Variants in SGPL1 observed in about 807,000 individuals in gnomAD.
SGPL1 encodes SP-lyase 1.
In SGPL1, 37 loss-of-function variants were observed where a neutral mutation model predicts 68.9. The ratio of observed to expected loss-of-function variants is 0.54; its 90% confidence interval spans 0.41 to 0.71. The LOEUF is 0.71. SGPL1 is among the 30% of genes least tolerant of loss of function. SGPL1 has a pLI of 0.00. For missense variants in SGPL1, 551 were observed against 704.6 expected (o/e 0.78, Z 2.47); for synonymous variants, 236 against 248.5 (o/e 0.95, Z 0.47).
chr10:70,849,540 C>T (rs1479334359), intron 3 of SGPL1, among the ~76,000 whole-genome samples: 2 of 152,166 alleles, frequency 1.3e-5, no homozygotes, highest in African/African-American at 4.8e-5. Context: ...GTCTTAGTTA[C>T]CTGGTTTTGT....
chr10:70,851,100 C>A, intron 3 of SGPL1, 43 bp from the exon 4 acceptor site: 1 of 1,508,826 alleles, frequency 6.6e-7, no homozygotes, highest in Non-Finnish European at 9.2e-7. Flanking sequence ...AGGTCATATC[C>A]ATGGAAATTT....
At chr10:70,833,407 A>G (rs1028766603) in intron 2 of SGPL1, among the ~76,000 whole-genome samples, 11 of 152,180 alleles carry the variant, frequency 7.2e-5, no homozygotes, top group African/African-American at 1.9e-4. Flanking sequence ...AGTTTCCTCA[A>G]ACGTTTCTCA....
rs1372278396 is a variant in SGPL1 at position 70,857,600 on chromosome 10, A to T, written c.410-14A>T. On this transcript the variant is annotated splice_polypyrimidine_tract_variant and intron_variant, in intron 5 of 14. Transcript: ENST00000373202. ...TTCTTGCTTACTGACCAGTGACCTTACCTTTCTCTGCAGACGCCTTCTGGC... is the reference window on the plus strand; with the variant it reads ...TTCTTGCTTACTGACCAGTGACCTTTCCTTTCTCTGCAGACGCCTTCTGGC... 2 of 1,609,330 alleles carry T rather than the reference A, an allele frequency of 1.2e-6. No individual in the cohort carries two copies. Among genetic ancestry groups the T allele is most frequent in the Non-Finnish European group, 1.7e-6 (2 of 1,176,170 alleles).
At chr10:70,851,472 AAC>A (rs777515171) in intron 4 of SGPL1, among the ~76,000 whole-genome samples, 2 of 151,404 alleles carry the variant, frequency 1.3e-5, no homozygotes, top group Non-Finnish European at 2.9e-5. Context: ...CCACCCACCA[AAC>A]ACAGAATTAT....
chr10:70,834,034 T>C (rs1845586749), intron 2 of SGPL1, among the ~76,000 whole-genome samples: 1 of 152,108 alleles, frequency 6.6e-6, no homozygotes, highest in South Asian at 2.1e-4. Context: ...CAGGAAAGCT[T>C]CGTGGATGTC....
intron 11 of SGPL1, 21 bp from the exon 12 acceptor site, chr10:70,873,328 CTT>C: frequency 6.4e-7 from 1 of 1,567,416 alleles, no homozygotes. Flanking sequence ...TCTCACTTTT[CTT>C]GTCTGCTACT....
rs781449613 is a variant in SGPL1, at chr10:70,816,853, G to T, written c.-1G>T. On this transcript the variant is annotated 5_prime_UTR_variant, in exon 2 of 15. Coordinates refer to ENST00000373202, the MANE Select transcript of SGPL1 (RefSeq NM_003901.4). ...CGCGGAGAGGAGGCTGGAAGAGGAA[G>T]ATGCCTAGCACAGACCTTCTGATGT... The T allele has an allele frequency of 6.2e-7, 1 of 1,614,126 alleles. No homozygotes were observed. Among genetic ancestry groups the T allele is most frequent in the South Asian group, 1.1e-5 (1 of 91,080 alleles).
intron 5 of SGPL1, 172 bp from the exon 6 acceptor site, chr10:70,857,442 G>T (rs756346467): frequency 3.6e-6 from 2 of 563,272 alleles, no homozygotes; most frequent in Non-Finnish European, 6.3e-6. Context: ...TTATTTTATT[G>T]TGCTAACTCT....
chr10:70,822,386 G>C (rs1845353380), intron 2 of SGPL1, among the ~76,000 whole-genome samples: 1 of 152,188 alleles, frequency 6.6e-6, no homozygotes, highest in Non-Finnish European at 1.5e-5. Flanking sequence ...ATTTGACTTA[G>C]CTTTTCAGTC....
intron 13 of SGPL1, 68 bp downstream of exon 13, chr10:70,875,616 A>C: frequency 7.7e-7 from 1 of 1,290,708 alleles, no homozygotes; most frequent in African/African-American, 1.5e-5. Flanking sequence ...GTGGTACAGT[A>C]ACCTGAAGTA....
rs114128421 is a variant in SGPL1 at position 70,867,767 on chromosome 10, G to A, written c.616-578G>A. 4.7e-3 allele frequency among the ~76,000 whole-genome samples: 720 copies of A among 151,968 alleles called. 5 individuals are homozygous for A. The highest frequency in any genetic ancestry group is 0.016 in the African/African-American group (646 of 41,510). On this transcript the variant is annotated intron_variant, in intron 7 of 14. Transcript: ENST00000373202. ...ATCAGAGGGGCTAGGCCAAACTTTA[G>A]GAAAACATTTCACTTCACTTAAAAA...
At chr10:70,848,454 C>CT (rs55860254) in intron 3 of SGPL1, among the ~76,000 whole-genome samples, 23,746 of 70,078 alleles carry the variant, frequency 0.34, 8,803 homozygotes, top group Non-Finnish European at 0.4. Flanking sequence ...ACCTCACGTA[C>CT]TTTTTTTTTT....
chr10:70,831,255 G>A (rs1054188057), intron 2 of SGPL1, among the ~76,000 whole-genome samples: 2 of 152,066 alleles, frequency 1.3e-5, no homozygotes, highest in Non-Finnish European at 2.9e-5. Context: ...GAAGACTTCC[G>A]TGACCAAACG....
In SGPL1 at chr10:70,821,982, A is replaced by G. The variant is rs181199821; in HGVS notation, c.27+5102A>G. ...CTCTTTTCTTGATTTGCAAACAGCA[A>G]GCTTCCCTCAGTTTTGTTTTTTGGG... On this transcript the variant is annotated intron_variant, in intron 2 of 14. Transcript: ENST00000373202. Among the ~76,000 whole-genome samples, 310 of 152,292 alleles carry G rather than the reference A, an allele frequency of 2.0e-3. 2 individuals are homozygous for G. Among genetic ancestry groups the G allele is most frequent in the African/African-American group, 7.0e-3 (292 of 41,564 alleles).
chr10:70,851,123 G>GA lies in SGPL1; in HGVS notation c.194-18dup. On this transcript the variant is annotated intron_variant, in intron 3 of 14. Transcript: ENST00000373202. ...TCCATGGAAATTTATTTGAATAAGA[G>GA]AACCATTTGTTTCTTTTAGGTTTAT... 6.2e-7 allele frequency: 1 copy of GA among 1,600,416 alleles called. No homozygotes were observed. Among genetic ancestry groups the GA allele is most frequent in the East Asian group, 2.2e-5 (1 of 44,770 alleles).
chr10:70,876,713 G>A, intron 14 of SGPL1, 52 bp downstream of exon 14: 1 of 1,550,720 alleles, frequency 6.4e-7, no homozygotes, highest in Non-Finnish European at 8.8e-7. Flanking sequence ...GGTGTTGGTG[G>A]AGAGTTTGAA....
rs1302918924 is a variant in SGPL1, at chr10:70,878,167, C to T, written c.*832C>T. ...AGGTTCATTGTCTGTCTTAGAGTCA[C>T]TTCTATTGCAACTCATTTTCTTTTT... On this transcript the variant is annotated 3_prime_UTR_variant, in exon 15 of 15. Coordinates refer to ENST00000373202, the MANE Select transcript of SGPL1 (RefSeq NM_003901.4). 6.6e-6 allele frequency: 1 copy of T among 152,256 alleles called. No homozygotes were observed. Among genetic ancestry groups the T allele is most frequent in the East Asian group, 1.9e-4 (1 of 5,198 alleles). 9.4% of individuals were successfully genotyped at this position (152,256 alleles called of 1,614,324 possible).
intron 5 of SGPL1, among the ~76,000 whole-genome samples, chr10:70,856,091 C>G (rs1845959013): frequency 1.3e-5 from 2 of 152,200 alleles, no homozygotes; most frequent in Non-Finnish European, 1.5e-5. Flanking sequence ...ACCTTCCAGG[C>G]TTAAGCAATT....
chr10:70,840,705 G>T (rs1845700734), intron 2 of SGPL1, among the ~76,000 whole-genome samples: 1 of 152,132 alleles, frequency 6.6e-6, no homozygotes, highest in South Asian at 2.1e-4. Context: ...GACCTCCTTT[G>T]AATTTAAGAA....
Sources: gnomAD v4.1 joint callset for allele counts (sites outside exome capture counted in the v4.1 genomes callset) on GRCh38, gnomAD v4.1.1 for gene constraint, MANE v1.5 for transcripts, NCBI Gene and HGNC (gene_info 2026-07-23, HGNC 2026-07-21) for gene names.